NPIPB6: variants seen among roughly 807,000 people sequenced by gnomAD.
The protein encoded by NPIPB6 is nuclear pore complex interacting protein family member B6, also known as nuclear pore complex-interacting protein family member B6.
NPIPB6 carries 2 observed loss-of-function variants against 20.0 expected under a neutral mutation model. The observed-to-expected ratio is 0.10, with a 90% CI of 0.04 to 0.31. The LOEUF (loss-of-function observed/expected upper bound fraction) is 0.31, where lower values mean the gene tolerates loss of function less well. Ranked by LOEUF, NPIPB6 falls within the 10% of genes least tolerant of loss-of-function variation. The pLI, the probability that NPIPB6 is intolerant of heterozygous loss-of-function variation, is 1.00. For synonymous variants in NPIPB6, 35 were observed against 116.3 expected, an observed-to-expected ratio of 0.30 and a Z score of 4.50; for missense variants, 96 against 293.7, an observed-to-expected ratio of 0.33 and a Z score of 4.92.
chr16:28,348,020 G>C lies in NPIPB6; in HGVS notation c.599+814C>G, dbSNP rs1188331287. Reference sequence around the variant, plus strand: ...AGCTACTCAAGAGGCTGAGGGATAAGAATCACTTGAACCTGGGAGGTGGAG... The same window carrying C: ...AGCTACTCAAGAGGCTGAGGGATAACAATCACTTGAACCTGGGAGGTGGAG... On this transcript the variant is annotated intron_variant, in intron 4 of 6. Transcript: ENST00000532254. Among the ~76,000 whole-genome samples the C allele has an allele frequency of 2.5e-5, 3 of 119,050 alleles. 1 individual carries two copies. The highest frequency in any genetic ancestry group is 8.6e-5 in the African/African-American group (3 of 34,696). The allele number at this position is 119,050 out of a possible 152,430, so 78.1% of individuals were successfully genotyped here.
At chr16:28,350,123 G>C (rs1471545552) in intron 2 of NPIPB6, among the ~76,000 whole-genome samples, 1 of 99,998 alleles carries the variant, frequency 1.0e-5, no homozygotes, top group African/African-American at 3.3e-5. Flanking sequence ...CTTGAACCCA[G>C]AAGGCAGAGG....
rs2045406633 is a variant in NPIPB6, at chr16:28,360,505, G to A, written c.120+2198C>T. Among the ~76,000 whole-genome samples, 2 of 129,168 alleles carry A rather than the reference G, an allele frequency of 1.5e-5. 1 individual carries two copies. The highest frequency in any genetic ancestry group is 3.5e-5 in the Non-Finnish European group (2 of 56,614). The allele number at this position is 129,168 out of a possible 152,430, so 84.7% of individuals were successfully genotyped here. On this transcript the variant is annotated intron_variant, in intron 1 of 6. Transcript: ENST00000532254. The stretch of plus-strand genomic sequence containing the variant: ...TGCGGCTCTGGGACAAACTCCACCT[G>A]GCTGAGGATAAAGCAAATCTGCGGT...
At chr16:28,362,363 G>A (rs1195835708) in intron 1 of NPIPB6, among the ~76,000 whole-genome samples, 5 of 150,942 alleles carry the variant, frequency 3.3e-5, no homozygotes, top group African/African-American at 4.9e-5. Flanking sequence ...CTCCCAAAAT[G>A]CTGGGATTAC....
chr16:28,350,008 G>C, intron 2 of NPIPB6, among the ~76,000 whole-genome samples: 1 of 98,812 alleles, frequency 1.0e-5, no homozygotes, highest in Non-Finnish European at 2.3e-5. Flanking sequence ...ACCATCCTGG[G>C]CAACATGGTG....
chr16:28,356,835 A>G (rs1596580136), intron 1 of NPIPB6: 1 of 51,596 alleles, frequency 1.9e-5, no homozygotes. Flanking sequence ...CACCTGGAGG[A>G]GGTGGAGGAG....
chr16:28,347,712 G>A (rs2045113594), intron 4 of NPIPB6, among the ~76,000 whole-genome samples: 2 of 116,982 alleles, frequency 1.7e-5, no homozygotes, highest in East Asian at 2.3e-4. Flanking sequence ...AACAATCCAG[G>A]CTGGGTGCGG....
At chr16:28,361,724 CTCTA>C (rs1434183129) in intron 1 of NPIPB6, among the ~76,000 whole-genome samples, 276 of 135,734 alleles carry the variant, frequency 2.0e-3, no homozygotes, top group African/African-American at 7.3e-3. Flanking sequence ...CTGTCTCTCT[CTCTA>C]TATGTGTGTG....
At position 28,342,845 on chromosome 16, in the gene NPIPB6, A is replaced by G. The variant is rs774234642; in HGVS notation, c.1040T>C (p.Leu347Ser). Reference sequence around the variant, plus strand: ...TTCCACCTCGGCCTCCTGAGTAGCTAAGGGAGGAGTCTTGAGATTATCATC... The same window carrying G: ...TTCCACCTCGGCCTCCTGAGTAGCTGAGGGAGGAGTCTTGAGATTATCATC... The change falls in exon 7 of 7, where the codon TTA (leucine) becomes TCA (serine). Residue 347 changes from leucine to serine, a missense_variant. Physicochemically the swap from Leu to Ser is moderately radical, Grantham distance 145 (BLOSUM62 -2). Coordinates refer to ENST00000532254, the Ensembl canonical transcript of NPIPB6. The G allele has an allele frequency of 1.2e-4, 183 of 1,568,684 alleles. No individual in the cohort carries two copies. The African/African-American group carries it at 2.2e-3, about 19-fold the overall frequency.
At chr16:28,349,888 T>A (rs1301858778) in intron 2 of NPIPB6, among the ~76,000 whole-genome samples, 5 of 20,294 alleles carry the variant, frequency 2.5e-4, no homozygotes, top group South Asian at 1.4e-3. Context: ...AAACTCTGTC[T>A]CAAAAAAAAA....
chr16:28,342,542 C>G, downstream of NPIPB6: 1 of 999,824 alleles, frequency 1.0e-6, no homozygotes, highest in South Asian at 1.5e-5. Context: ...TTTATTTATT[C>G]TTCGTTAGTT....
chr16:28,361,353 CTTTATT>C (rs2141635723), intron 1 of NPIPB6, among the ~76,000 whole-genome samples: 1 of 140,016 alleles, frequency 7.1e-6, no homozygotes, highest in South Asian at 2.3e-4. Context: ...TTCTTTCAAT[CTTTATT>C]TTTAAACAGG....
chr16:28,342,941 G>C, exon 7 of NPIPB6: 2 of 1,598,266 alleles, frequency 1.3e-6, no homozygotes, highest in South Asian at 1.1e-5. Context: ...ATCCACTGAG[G>C]GTGGAAGAGG....
intron 1 of NPIPB6, among the ~76,000 whole-genome samples, chr16:28,360,338 A>G (rs62031456): frequency 0.044 from 5,349 of 122,830 alleles, 75 homozygotes; most frequent in East Asian, 0.12. Context: ...CATCCTCAAA[A>G]CTATCATATG....
chr16:28,353,715 A>AT (rs1205302589), intron 1 of NPIPB6, among the ~76,000 whole-genome samples: 20 of 17,142 alleles, frequency 1.2e-3, no homozygotes, highest in East Asian at 5.1e-3. Context: ...GTGCCCAGCC[A>AT]TTTTTTTTTG....
chr16:28,362,887 T>C, exon 1 of NPIPB6: 1 of 1,282,632 alleles, frequency 7.8e-7, no homozygotes, highest in East Asian at 2.8e-5. Flanking sequence ...AAAAATAGTG[T>C]TGAATGAGTG....
At chr16:28,356,204 TTTTG>T (rs1469541269) in intron 1 of NPIPB6, among the ~76,000 whole-genome samples, 1 of 95,464 alleles carries the variant, frequency 1.0e-5, no homozygotes, top group African/African-American at 3.5e-5. Flanking sequence ...TTTTGGTCCA[TTTTG>T]TTTGTTAGAG....
At chr16:28,361,446 C>G (rs961473949) in intron 1 of NPIPB6, among the ~76,000 whole-genome samples, 79 of 150,954 alleles carry the variant, frequency 5.2e-4, no homozygotes, top group South Asian at 1.5e-3. Flanking sequence ...TATCTTGGAC[C>G]GGGTGCAGTG....
chr16:28,358,052 CTCCTAAGGTATT>C (rs2045348196), intron 1 of NPIPB6, among the ~76,000 whole-genome samples: 1 of 148,896 alleles, frequency 6.7e-6, no homozygotes, highest in South Asian at 2.2e-4. Context: ...ATCAGCTTCT[CTCCTAAGGTATT>C]TGCCCACAAT....
chr16:28,348,109 CAA>C (rs57988390), intron 4 of NPIPB6, among the ~76,000 whole-genome samples: 7 of 62,984 alleles, frequency 1.1e-4, no homozygotes, highest in Admixed American at 3.9e-4. Flanking sequence ...GACTCTGTCT[CAA>C]AAAAAAAAAA....
Sources: gnomAD v4.1 joint callset for allele counts (sites outside exome capture counted in the v4.1 genomes callset) on GRCh38, gnomAD v4.1.1 for gene constraint, MANE v1.5 for transcripts, NCBI Gene and HGNC (gene_info 2026-07-23, HGNC 2026-07-21) for gene names.